The following CNTNAP5 variants were observed in gnomAD, a reference collection of about 807,000 sequenced individuals.
CNTNAP5 encodes the protein contactin associated protein family member 5.
Under a neutral mutation model 150.2 loss-of-function variants are expected in CNTNAP5, and 72 were observed. The observed-to-expected ratio is 0.48, with a 90% CI of 0.40 to 0.58. The LOEUF is 0.58. CNTNAP5 is among the 20% of genes least tolerant of loss of function. The probability of loss-of-function intolerance (pLI) is 0.00; values close to 1 mark genes in which losing one functional copy is unlikely to be tolerated. For synonymous variants in CNTNAP5, 672 were observed against 619.8 expected (o/e 1.08, Z -1.25); for missense variants, 1,636 against 1,626.2 (o/e 1.01, Z -0.10).
At chr2:124,817,626 G>A (rs761019963) in intron 19 of CNTNAP5, among the ~76,000 whole-genome samples, 9 of 152,122 alleles carry the variant, frequency 5.9e-5, no homozygotes, top group Non-Finnish European at 1.2e-4. Flanking sequence ...AGGAGTCATC[G>A]TGTCCCAGCA....
At chr2:124,419,153 A>AAAAAAAAAAAAAAAAAAAAAAAC (rs1553466545) in intron 4 of CNTNAP5, among the ~76,000 whole-genome samples, 22 of 76,420 alleles carry the variant, frequency 2.9e-4, no homozygotes, top group East Asian at 4.3e-4. Flanking sequence ...AAAAAAAAAA[A>AAAAAAAAAAAAAAAAAAAAAAAC]AAAAAAAAAA....
At chr2:124,293,741 A>T (rs1408639551) in intron 3 of CNTNAP5, among the ~76,000 whole-genome samples, 1 of 151,866 alleles carries the variant, frequency 6.6e-6, no homozygotes, top group Non-Finnish European at 1.5e-5. Context: ...TGAAATGCAT[A>T]CACCGAGATA....
intron 21 of CNTNAP5, among the ~76,000 whole-genome samples, chr2:124,887,635 T>C (rs1222277362): frequency 6.6e-6 from 1 of 152,158 alleles, no homozygotes; most frequent in Non-Finnish European, 1.5e-5. Context: ...GAGGCAATTA[T>C]AGCTGGGGAA....
chr2:124,791,313 T>C (rs1056539735), intron 18 of CNTNAP5, among the ~76,000 whole-genome samples: 2 of 152,238 alleles, frequency 1.3e-5, no homozygotes, highest in Non-Finnish European at 2.9e-5. Context: ...GAGCATGTCA[T>C]GCTTCTTGGG....
chr2:124,869,714 G>C lies in CNTNAP5; in HGVS notation c.3388G>C (p.Glu1130Gln). 6.2e-7 allele frequency: 1 copy of C among 1,612,386 alleles called. No individual in the cohort carries two copies. The change falls in exon 21 of 24, where the codon GAA becomes CAA. Residue 1130 changes from glutamate (E) to glutamine (Q), a missense_variant. Coordinates refer to ENST00000682447, the MANE Select transcript of CNTNAP5 (RefSeq NM_001367498.1). ...QLRLSYNFSP[E>Q]VEFRVIRSLT... ...TCGACTCAGTTATAACTTCTCTCCG[G>C]AAGTAGAGTTCAGGGTTATAAGGTC...
chr2:124,440,861 G>A (rs548006641), intron 5 of CNTNAP5, among the ~76,000 whole-genome samples: 2 of 151,858 alleles, frequency 1.3e-5, no homozygotes, highest in African/African-American at 4.8e-5. Context: ...TTTGTCTTAC[G>A]AAATTAGAAA....
Position 124,207,568 on chromosome 2 carries a change from G to A in CNTNAP5, c.83-14137G>A, listed in dbSNP as rs150816761. 4.6e-3 allele frequency among the ~76,000 whole-genome samples: 698 copies of A among 152,196 alleles called. 5 individuals are homozygous for A. The highest frequency in any genetic ancestry group is 0.014 in the Middle Eastern group (4 of 294). ...ATTAAAGTTAAATGTCTTGGTTCAC[G>A]GGCACTTACCACTCCCTTCATCACC... On this transcript the variant is annotated intron_variant, in intron 1 of 23. Coordinates refer to ENST00000682447, the MANE Select transcript of CNTNAP5 (RefSeq NM_001367498.1).
rs566209655 is a variant in CNTNAP5, at chr2:124,529,725, A to T, written c.1649+2269A>T. 2.6e-5 allele frequency among the ~76,000 whole-genome samples: 4 copies of T among 152,260 alleles called. No individual in the cohort carries two copies. The South Asian group carries it at 8.3e-4, about 32-fold the overall frequency. On this transcript the variant is annotated intron_variant, in intron 10 of 23. Transcript: ENST00000682447. ...GCTACTTGCTGGGAGAAAGGAAGGG[A>T]ATAGGCTGGCAGTGGTTTTCCTTAC...
chr2:124,552,840 G>A (rs1695658165), intron 10 of CNTNAP5, among the ~76,000 whole-genome samples: 1 of 152,054 alleles, frequency 6.6e-6, no homozygotes, highest in African/African-American at 2.4e-5. Flanking sequence ...TCCATTGAAG[G>A]ACTTTCCAAT....
At chr2:124,696,269 G>A (rs1044707197) in intron 13 of CNTNAP5, among the ~76,000 whole-genome samples, 6 of 152,130 alleles carry the variant, frequency 3.9e-5, no homozygotes, top group South Asian at 4.1e-4. Flanking sequence ...TTGCTGGTAA[G>A]TTAAAGAGGC....
chr2:124,641,158 A>G (rs1678085946), intron 12 of CNTNAP5, among the ~76,000 whole-genome samples: 1 of 151,120 alleles, frequency 6.6e-6, no homozygotes, highest in Admixed American at 6.6e-5. Context: ...AGACAAAAAA[A>G]AGGACGGAGG....
rs115749072 is a variant in CNTNAP5, at chr2:124,364,365, C to T, written c.382-53078C>T. Among the ~76,000 whole-genome samples the T allele has an allele frequency of 5.9e-3, 891 of 152,270 alleles. 9 individuals carry two copies. Among genetic ancestry groups the T allele is most frequent in the African/African-American group, 0.02 (822 of 41,540 alleles). ...ATGCGTTTGCAATGAACCTCTTTAA[C>T]GTTGCAACCTGCCTCACTTCTGTCA... On this transcript the variant is annotated intron_variant, in intron 3 of 23. Transcript: ENST00000682447.
chr2:124,319,430 C>T (rs1689046627), intron 3 of CNTNAP5, among the ~76,000 whole-genome samples: 1 of 152,152 alleles, frequency 6.6e-6, no homozygotes, highest in South Asian at 2.1e-4. Context: ...TGAAGAAAAG[C>T]TAAACCTCAA....
intron 1 of CNTNAP5, among the ~76,000 whole-genome samples, chr2:124,028,118 C>T (rs1378888367): frequency 6.6e-6 from 1 of 152,022 alleles, no homozygotes; most frequent in African/African-American, 2.4e-5. Flanking sequence ...ATTATTCTTC[C>T]TATATTTTGA....
intron 7 of CNTNAP5, among the ~76,000 whole-genome samples, chr2:124,485,494 T>C (rs1158693600): frequency 6.6e-6 from 1 of 150,832 alleles, no homozygotes; most frequent in Admixed American, 6.6e-5. Flanking sequence ...GCACCTGTAG[T>C]CCCAGTTACT....
chr2:124,418,900 C>T (rs946284912), intron 4 of CNTNAP5, among the ~76,000 whole-genome samples: 1 of 150,702 alleles, frequency 6.6e-6, no homozygotes, highest in African/African-American at 2.4e-5. Context: ...TTTGGGAGGC[C>T]GAGGCGGGTG....
At chr2:124,686,779 A>C (rs1157255662) in intron 13 of CNTNAP5, among the ~76,000 whole-genome samples, 1 of 152,190 alleles carries the variant, frequency 6.6e-6, no homozygotes, top group Non-Finnish European at 1.5e-5. Context: ...AGCTTTGAAG[A>C]TTTGATATAA....
At chr2:124,779,163 T>G (rs1325593040) in intron 17 of CNTNAP5, among the ~76,000 whole-genome samples, 1 of 152,214 alleles carries the variant, frequency 6.6e-6, no homozygotes, top group African/African-American at 2.4e-5. Context: ...AGAAGCTGCC[T>G]CAGCTGCAGA....
intron 12 of CNTNAP5, among the ~76,000 whole-genome samples, chr2:124,620,203 CTG>C (rs1181861757): frequency 6.6e-6 from 1 of 152,064 alleles, no homozygotes; most frequent in Non-Finnish European, 1.5e-5. Context: ...AAATTGAACT[CTG>C]AGAAATCACT....
Sources: allele counts gnomAD v4.1 joint callset (sites outside exome capture counted in the v4.1 genomes callset), GRCh38; gene constraint gnomAD v4.1.1; transcripts MANE v1.5; gene names NCBI Gene and HGNC (gene_info 2026-07-23, HGNC 2026-07-21).